Variants in MYO1D observed in about 807,000 individuals in gnomAD.
MYO1D encodes the protein myosin ID, also known as unconventional myosin-Id.
Under a neutral mutation model 122.0 loss-of-function variants are expected in MYO1D, and 83 were observed. The observed-to-expected ratio is 0.68, with a 90% confidence interval of 0.57 to 0.82. The LOEUF (loss-of-function observed/expected upper bound fraction) is 0.82, where lower values mean the gene tolerates loss of function less well. Among genes scored for constraint, MYO1D ranks in the 40% least tolerant of loss-of-function variants. The pLI is 0.00. For synonymous variants in MYO1D, 464 were observed against 446.9 expected (o/e 1.04, Z -0.48); for missense variants, 1,157 against 1,269.5 (o/e 0.91, Z 1.35).
chr17:32,552,054 T>A lies in MYO1D; in HGVS notation c.2864+53033A>T, dbSNP rs143649737. The stretch of plus-strand genomic sequence containing the variant: ...TCTTCTCCCTCATCGTACTTTGCAG[T>A]CAAGCTTTACTTATGCACTGTTTTT... On this transcript the variant is annotated intron_variant, in intron 21 of 21. Coordinates refer to ENST00000318217, the MANE Select transcript of MYO1D (RefSeq NM_015194.3). 4.1e-3 allele frequency among the ~76,000 whole-genome samples: 628 copies of A among 152,320 alleles called. 1 individual carries two copies. The highest frequency in any genetic ancestry group is 7.6e-3 in the Non-Finnish European group (514 of 68,034).
At chr17:32,715,824 T>G (rs1342842901) in intron 15 of MYO1D, among the ~76,000 whole-genome samples, 1 of 152,178 alleles carries the variant, frequency 6.6e-6, no homozygotes, top group Non-Finnish European at 1.5e-5. Flanking sequence ...ATCTACCCAG[T>G]TACTAAAGCC....
At chr17:32,679,549 T>G (rs1168421215) in intron 16 of MYO1D, among the ~76,000 whole-genome samples, 1 of 152,136 alleles carries the variant, frequency 6.6e-6, no homozygotes, top group African/African-American at 2.4e-5. Flanking sequence ...TTCTCAGGTT[T>G]GTCAAAGATC....
At chr17:32,844,397 T>TAA (rs2090915946) in intron 1 of MYO1D, among the ~76,000 whole-genome samples, 1 of 147,054 alleles carries the variant, frequency 6.8e-6, no homozygotes, top group Admixed American at 6.9e-5. Flanking sequence ...ATACTATATA[T>TAA]AATATGTATA....
At chr17:32,537,408 G>C (rs1910695022) in intron 21 of MYO1D, among the ~76,000 whole-genome samples, 1 of 152,156 alleles carries the variant, frequency 6.6e-6, no homozygotes, top group Non-Finnish European at 1.5e-5. Context: ...ACTTGTTACA[G>C]GGACCATATG....
chr17:32,595,523 G>T (rs75092420), intron 21 of MYO1D, among the ~76,000 whole-genome samples: 1,623 of 152,238 alleles, frequency 0.011, 13 homozygotes, highest in Non-Finnish European at 0.018. Context: ...ACTATCAGAA[G>T]AATTTTTCCT....
At position 32,493,759 on chromosome 17, in the gene MYO1D, G is replaced by GCCTGC. The variant is rs1226033456; in HGVS notation, c.*995_*999dup. The GCCTGC allele has an allele frequency of 2.7e-5, 4 of 150,546 alleles. No homozygotes were observed. The East Asian group carries it at 8.1e-4, about 30-fold the overall frequency. The allele number at this position is 150,546 out of a possible 1,614,324, so 9.3% of individuals were successfully genotyped here. A position where few individuals can be genotyped will look rare whatever the true frequency, so the allele number is the denominator to read the frequency against. ...AGGGCGGGGTGGGCATCCTGGCCTG[G>GCCTGC]CCTGCAGTGCCAGGACCCCACGCTG... On this transcript the variant is annotated 3_prime_UTR_variant, in exon 22 of 22. Coordinates refer to ENST00000318217, the MANE Select transcript of MYO1D (RefSeq NM_015194.3).
chr17:32,666,958 T>C (rs957115172), intron 16 of MYO1D, among the ~76,000 whole-genome samples: 4 of 152,254 alleles, frequency 2.6e-5, no homozygotes, highest in African/African-American at 9.6e-5. Context: ...CTTCGAGATG[T>C]CCATATTGAG....
At chr17:32,827,681 A>G (rs181633042) in intron 1 of MYO1D, among the ~76,000 whole-genome samples, 2 of 152,218 alleles carry the variant, frequency 1.3e-5, no homozygotes, top group African/African-American at 4.8e-5. Context: ...ACACCCCCCA[A>G]AAAGGAAAGA....
intron 21 of MYO1D, among the ~76,000 whole-genome samples, chr17:32,559,419 T>C (rs1239483743): frequency 2.0e-5 from 3 of 152,232 alleles, no homozygotes; most frequent in African/African-American, 7.2e-5. Context: ...GAGCTGAGTC[T>C]CACTCAATCA....
intron 8 of MYO1D, among the ~76,000 whole-genome samples, chr17:32,761,485 T>C (rs538479335): frequency 6.6e-6 from 1 of 152,328 alleles, no homozygotes; most frequent in South Asian, 2.1e-4. Flanking sequence ...GATAATAGCC[T>C]TTCTGAATTT....
At position 32,518,121 on chromosome 17, in the gene MYO1D, C is replaced by T. The variant is rs551029982; in HGVS notation, c.2865-23206G>A. On this transcript the variant is annotated intron_variant, in intron 21 of 21. Coordinates refer to ENST00000318217, the MANE Select transcript of MYO1D (RefSeq NM_015194.3). ...CCTCTGGACAGCACCTGGCCTGCCA[C>T]TCTGTCATCACCCTCTGGACAGCAC... Among the ~76,000 whole-genome samples the T allele has an allele frequency of 1.6e-4, 24 of 152,230 alleles. No individual in the cohort carries two copies. In the East Asian group the frequency reaches 4.6e-3, roughly 29 times the overall value.
Position 32,745,193 on chromosome 17 carries a change from A to C in MYO1D, c.1613+18T>G, listed in dbSNP as rs1234979482. ...AATGAGCTTAATCTAGAGTTAATTA[A>C]TAAAATTTCAATCTTACCTGTTATA... On this transcript the variant is annotated intron_variant, in intron 13 of 21. Transcript: ENST00000318217. 2.2e-6 allele frequency: 3 copies of C among 1,334,584 alleles called. No homozygotes were observed. The highest frequency in any genetic ancestry group is 3.2e-6 in the Non-Finnish European group (3 of 940,600). 82.7% of individuals were successfully genotyped at this position (1,334,584 alleles called of 1,614,324 possible). A position where few individuals can be genotyped will look rare whatever the true frequency, so the allele number is the denominator to read the frequency against.
intron 14 of MYO1D, among the ~76,000 whole-genome samples, chr17:32,729,212 G>A (rs1243434996): frequency 6.6e-6 from 1 of 152,132 alleles, no homozygotes; most frequent in Non-Finnish European, 1.5e-5. Context: ...ACACCAATCA[G>A]TATATAGATT....
intron 16 of MYO1D, among the ~76,000 whole-genome samples, chr17:32,697,423 A>G (rs1461019604): frequency 2.6e-5 from 4 of 152,222 alleles, no homozygotes; most frequent in East Asian, 3.9e-4. Context: ...ACCAAGCAGC[A>G]TATTTTTGAC....
At chr17:32,723,767 A>G (rs564943816) in intron 14 of MYO1D, among the ~76,000 whole-genome samples, 1 of 152,232 alleles carries the variant, frequency 6.6e-6, no homozygotes, top group African/African-American at 2.4e-5. Context: ...GCCCCAGCTG[A>G]CTGCAGCTGC....
intron 19 of MYO1D, among the ~76,000 whole-genome samples, chr17:32,639,361 TTTTGTGTGTGTGTGTG>T (rs1174068745): frequency 1.7e-3 from 112 of 65,728 alleles, no homozygotes; most frequent in East Asian, 9.3e-3. Flanking sequence ...TTGGGAGAAA[TTTTGTGTGTGTGTGTG>T]TGTGTGTGTG....
At chr17:32,686,276 GA>G in intron 16 of MYO1D, 1 of 152,328 alleles carries the variant, frequency 6.6e-6, no homozygotes, top group African/African-American at 2.4e-5. Context: ...TATGACAACA[GA>G]AGAGAAGGCA....
In MYO1D at chr17:32,633,308, G is replaced by C. The variant is rs139076279; in HGVS notation, c.2709+5414C>G. 2.3e-3 allele frequency among the ~76,000 whole-genome samples: 354 copies of C among 152,218 alleles called. 1 individual carries two copies. The highest frequency in any genetic ancestry group is 3.1e-3 in the Non-Finnish European group (208 of 68,000). On this transcript the variant is annotated intron_variant, in intron 20 of 21. Transcript: ENST00000318217. The stretch of plus-strand genomic sequence containing the variant: ...AGAGAGACAGACCTACAGCAAAACT[G>C]ATCTTGGAAGAAATGAGAAAAAGTA...
chr17:32,502,646 T>G (rs1018866), intron 21 of MYO1D, among the ~76,000 whole-genome samples: 56,339 of 152,100 alleles, frequency 0.37, 12,035 homozygotes, highest in Non-Finnish European at 0.48. Flanking sequence ...ATCTCAAGTT[T>G]AGCCAAAATA....
Sources: allele counts gnomAD v4.1 joint callset (sites outside exome capture counted in the v4.1 genomes callset), GRCh38; gene constraint gnomAD v4.1.1; transcripts MANE v1.5; gene names NCBI Gene and HGNC (gene_info 2026-07-23, HGNC 2026-07-21).